The following EPHA6 variants were observed in gnomAD, a reference collection of about 807,000 sequenced individuals.
EPHA6 encodes EPH receptor A6.
EPHA6 carries 50 observed loss-of-function variants against 112.0 expected under a neutral mutation model. The ratio of observed to expected loss-of-function variants is 0.45; its 90% CI spans 0.36 to 0.56. The LOEUF (loss-of-function observed/expected upper bound fraction) is 0.56, where lower values mean the gene tolerates loss of function less well. Ranked by LOEUF, EPHA6 falls within the 20% of genes least tolerant of loss-of-function variation. EPHA6 has a pLI of 0.00. For synonymous variants in EPHA6, 529 were observed against 490.7 expected, an observed-to-expected ratio of 1.08 and a Z score of -1.03; for missense variants, 1,280 against 1,417.4, an observed-to-expected ratio of 0.90 and a Z score of 1.56.
chr3:97,285,239 T>A (rs2080425181), intron 5 of EPHA6, among the ~76,000 whole-genome samples: 1 of 152,128 alleles, frequency 6.6e-6, no homozygotes, highest in African/African-American at 2.4e-5. Context: ...ATTTGTAAGA[T>A]ATTTTGTTTG....
intron 5 of EPHA6, among the ~76,000 whole-genome samples, chr3:97,302,244 C>A (rs552498834): frequency 6.6e-6 from 1 of 151,702 alleles, no homozygotes; most frequent in South Asian, 2.1e-4. Flanking sequence ...ATTCTTTAGG[C>A]AAAAAGAGAA....
intron 14 of EPHA6, among the ~76,000 whole-genome samples, chr3:97,655,100 TATA>T (rs1430967595): frequency 6.8e-6 from 1 of 147,890 alleles, no homozygotes; most frequent in Non-Finnish European, 1.5e-5. Flanking sequence ...TATTATATGT[TATA>T]TATTATATAT....
At chr3:97,468,875 A>G (rs1045924017) in intron 7 of EPHA6, among the ~76,000 whole-genome samples, 40 of 151,682 alleles carry the variant, frequency 2.6e-4, no homozygotes, top group Admixed American at 6.6e-5. Context: ...GAAAGTTGAA[A>G]CATATTATTC....
At chr3:97,043,065 C>T (rs2045372953) in intron 3 of EPHA6, among the ~76,000 whole-genome samples, 1 of 152,126 alleles carries the variant, frequency 6.6e-6, no homozygotes, top group Non-Finnish European at 1.5e-5. Flanking sequence ...TGTATTTTAT[C>T]TTTTTTGTTT....
chr3:97,345,493 G>A (rs968939074), intron 5 of EPHA6, among the ~76,000 whole-genome samples: 1 of 152,140 alleles, frequency 6.6e-6, no homozygotes, highest in Admixed American at 6.6e-5. Context: ...TGATGACAAT[G>A]TGATTCTTAA....
chr3:96,826,214 ATTTAC>A (rs897255804), intron 1 of EPHA6, among the ~76,000 whole-genome samples: 3 of 152,042 alleles, frequency 2.0e-5, no homozygotes, highest in African/African-American at 7.2e-5. Context: ...ATAGTAGATT[ATTTAC>A]TTAGGCTGTC....
chr3:97,643,073 T>C (rs951336818), intron 14 of EPHA6, among the ~76,000 whole-genome samples: 5 of 152,188 alleles, frequency 3.3e-5, no homozygotes, highest in African/African-American at 1.2e-4. Context: ...GGGAAGCCCA[T>C]CCGACTAACA....
intron 14 of EPHA6, among the ~76,000 whole-genome samples, chr3:97,655,663 A>G (rs2107618704): frequency 6.6e-6 from 1 of 150,736 alleles, no homozygotes; most frequent in South Asian, 2.1e-4. Flanking sequence ...TGGCTGGGTC[A>G]AATGGTATTT....
intron 3 of EPHA6, among the ~76,000 whole-genome samples, chr3:97,184,337 C>A (rs991294780): frequency 3.9e-5 from 6 of 152,008 alleles, no homozygotes; most frequent in African/African-American, 1.2e-4. Flanking sequence ...TGCTCCCTAG[C>A]CATATATGAA....
At chr3:96,980,191 C>G (rs1186968679) in intron 2 of EPHA6, among the ~76,000 whole-genome samples, 1 of 152,120 alleles carries the variant, frequency 6.6e-6, no homozygotes, top group Admixed American at 6.6e-5. Context: ...TTAGGTCAAA[C>G]ATTTAAGTCT....
chr3:96,941,872 C>T (rs1275986841), intron 2 of EPHA6, among the ~76,000 whole-genome samples: 2 of 152,210 alleles, frequency 1.3e-5, no homozygotes, highest in Non-Finnish European at 2.9e-5. Flanking sequence ...ACTCCAGACC[C>T]TGTTTGCCTG....
intron 13 of EPHA6, among the ~76,000 whole-genome samples, chr3:97,627,580 C>T (rs1325022615): frequency 6.6e-6 from 1 of 151,822 alleles, no homozygotes; most frequent in Admixed American, 6.6e-5. Flanking sequence ...AACATAATGC[C>T]TGTTTTTCCT....
chr3:97,362,076 T>C (rs1326744573), intron 5 of EPHA6, among the ~76,000 whole-genome samples: 1 of 152,170 alleles, frequency 6.6e-6, no homozygotes, highest in Non-Finnish European at 1.5e-5. Context: ...TTTGCCTTCA[T>C]GAAATGTATA....
intron 14 of EPHA6, among the ~76,000 whole-genome samples, chr3:97,713,649 A>T (rs563252923): frequency 2.0e-5 from 3 of 152,246 alleles, no homozygotes; most frequent in East Asian, 1.9e-4. Flanking sequence ...TCCCATGTGC[A>T]TGCATGCATG....
intron 10 of EPHA6, among the ~76,000 whole-genome samples, chr3:97,517,257 T>C (rs961209659): frequency 1.3e-5 from 2 of 152,072 alleles, no homozygotes; most frequent in East Asian, 1.9e-4. Flanking sequence ...TTATCACTTA[T>C]TGAAGCAGGA....
chr3:97,111,254 A>G (rs1174052257), intron 3 of EPHA6, among the ~76,000 whole-genome samples: 2 of 152,106 alleles, frequency 1.3e-5, no homozygotes, highest in Admixed American at 1.3e-4. Flanking sequence ...TTATTCATGA[A>G]TTTCTTCATT....
intron 5 of EPHA6, among the ~76,000 whole-genome samples, chr3:97,399,287 A>G (rs1222146818): frequency 6.6e-6 from 1 of 151,552 alleles, no homozygotes; most frequent in East Asian, 1.9e-4. Flanking sequence ...ATTCTTTTTA[A>G]CAGTGGAATA....
At chr3:97,004,974 G>A (rs1436899092) in intron 3 of EPHA6, among the ~76,000 whole-genome samples, 1 of 152,086 alleles carries the variant, frequency 6.6e-6, no homozygotes, top group East Asian at 1.9e-4. Context: ...TGGTCTATAT[G>A]TCTGTTTTGG....
rs1324777312 is a variant in EPHA6, at chr3:97,754,727, G to A, written c.*6026G>A. Among the ~76,000 whole-genome samples, 2 of 152,008 alleles carry A rather than the reference G, an allele frequency of 1.3e-5. No homozygotes were observed. The highest frequency in any genetic ancestry group is 4.8e-5 in the African/African-American group (2 of 41,420). Reference sequence around the variant, plus strand: ...TTATTTATTCATTTATTTTTGAGACGGAGTCTCGCTCTGTCGCCTAGGCTG... The same window carrying A: ...TTATTTATTCATTTATTTTTGAGACAGAGTCTCGCTCTGTCGCCTAGGCTG... On this transcript the variant is annotated 3_prime_UTR_variant, in exon 18 of 18. Transcript: ENST00000389672.
Sources: allele counts gnomAD v4.1 joint callset (sites outside exome capture counted in the v4.1 genomes callset), GRCh38; gene constraint gnomAD v4.1.1; transcripts MANE v1.5; gene names NCBI Gene and HGNC (gene_info 2026-07-23, HGNC 2026-07-21).